Variants in EXOC3L2 observed in about 807,000 individuals in gnomAD.
EXOC3L2 encodes the protein exocyst complex component 3 like 2.
A neutral mutation model predicts 44.4 loss-of-function variants in EXOC3L2; 17 were observed. The observed-to-expected ratio is 0.38, with a 90% CI of 0.26 to 0.57. EXOC3L2 has a LOEUF of 0.57. Among genes scored for constraint, EXOC3L2 ranks in the 20% least tolerant of loss-of-function variants. The pLI is 0.65. For missense variants in EXOC3L2, 541 were observed against 588.4 expected (o/e 0.92, Z 0.83); for synonymous variants, 256 against 253.7 (o/e 1.01, Z -0.09).
At chr19:45,240,788 C>T (rs909868134) in intron 1 of EXOC3L2, among the ~76,000 whole-genome samples, 3 of 152,096 alleles carry the variant, frequency 2.0e-5, no homozygotes, top group African/African-American at 7.2e-5. Flanking sequence ...CCTGTAATCC[C>T]AGCTACTCGG....
chr19:45,212,950 AGG>A lies in EXOC3L2; in HGVS notation c.*117_*118del. Reference sequence around the variant, plus strand: ...TTGGGGTTGGGTGAAAAGACATCTAAGGGTCTTTCTATCCCAGGGGTGTGTGG... The same window carrying A: ...TTGGGGTTGGGTGAAAAGACATCTAAGTCTTTCTATCCCAGGGGTGTGTGG... On this transcript the variant is annotated 3_prime_UTR_variant, in exon 12 of 12. Transcript: ENST00000413988. 2 of 1,184,028 alleles carry A rather than the reference AGG, an allele frequency of 1.7e-6. No homozygotes were observed. Among genetic ancestry groups the A allele is most frequent in the Non-Finnish European group, 2.2e-6 (2 of 893,744 alleles). The allele number at this position is 1,184,028 out of a possible 1,614,324, so 73.3% of individuals were successfully genotyped here.
rs1240772921 is a variant in EXOC3L2, at chr19:45,234,576, G to A, written c.774C>T (p.Gly258=). Residue 258 remains glycine (G), a synonymous_variant, in exon 3 of 12, where the codon GGC becomes GGT. Coordinates refer to ENST00000413988, the MANE Select transcript of EXOC3L2 (RefSeq NM_001382422.1). This position sits in a 1 kb window ranked among gnomAD's most constrained non-coding sequence, Gnocchi z 5.0. ...GCACCTGGCCCAGCTGCGCCACCGC[G>A]CCAGCCCCGGCGCACGCTCCCGGCC... ...GPGPGACAGA[G]AVAQLGQVLV... is the part of the protein sequence containing the mutation. The A allele has an allele frequency of 1.9e-5, 5 of 263,368 alleles. No individual in the cohort carries two copies. The allele number at this position is 263,368 out of a possible 1,614,324, so 16.3% of individuals were successfully genotyped here. A position where few individuals can be genotyped will look rare whatever the true frequency, so the allele number is the denominator to read the frequency against.
rs138440446 is a variant in EXOC3L2, at chr19:45,244,260, C to T, written c.-17+1081G>A. On this transcript the variant is annotated intron_variant, in intron 1 of 11. Coordinates refer to ENST00000413988, the MANE Select transcript of EXOC3L2 (RefSeq NM_001382422.1). ...ATCCTCTGAACTGGCATCCACATGC[C>T]TCATCCCAAAATGGCTCCATCATCC... Among the ~76,000 whole-genome samples, 564 of 152,166 alleles carry T rather than the reference C, an allele frequency of 3.7e-3. 2 individuals are homozygous for T. The highest frequency in any genetic ancestry group is 0.013 in the African/African-American group (541 of 41,522).
intron 3 of EXOC3L2, among the ~76,000 whole-genome samples, chr19:45,232,700 A>G (rs967603604): frequency 2.0e-4 from 30 of 152,170 alleles, no homozygotes; most frequent in African/African-American, 5.8e-4. Context: ...CTCAACAGTA[A>G]TAAGATTCTA....
Position 45,234,942 on chromosome 19 carries a change from GC to G in EXOC3L2, c.524-117del, listed in dbSNP as rs1280981202. The G allele has an allele frequency of 2.6e-6, 1 of 377,966 alleles. No individual in the cohort carries two copies. Among genetic ancestry groups the G allele is most frequent in the East Asian group, 3.8e-5 (1 of 26,482 alleles). 23.4% of individuals were successfully genotyped at this position (377,966 alleles called of 1,614,324 possible). Reference sequence around the variant, plus strand: ...GATGAGGGGAAAAGGGTTACAGGAGGCGGGAAAGTGTGGGGGCAGAGAAGAG... The same window carrying G: ...GATGAGGGGAAAAGGGTTACAGGAGGGGGAAAGTGTGGGGGCAGAGAAGAG... On this transcript the variant is annotated intron_variant, in intron 2 of 11. Transcript: ENST00000413988. The surrounding 1 kb of genome is among the most constrained non-coding windows in gnomAD (Gnocchi z 5.0).
At chr19:45,217,394 A>G (rs1422948528) in intron 10 of EXOC3L2, 134 bp downstream of exon 10, 3 of 1,146,054 alleles carry the variant, frequency 2.6e-6, no homozygotes, top group Non-Finnish European at 3.5e-6. Context: ...ACTGGTTGCT[A>G]TTGACCCGAA....
Position 45,234,972 on chromosome 19 carries a change from G to A in EXOC3L2, c.524-146C>T, listed in dbSNP as rs972882745. 3.2e-5 allele frequency: 12 copies of A among 378,652 alleles called. No homozygotes were observed. Among genetic ancestry groups the A allele is most frequent in the African/African-American group, 2.1e-4 (10 of 47,676 alleles). 23.5% of individuals were successfully genotyped at this position (378,652 alleles called of 1,614,324 possible). On this transcript the variant is annotated intron_variant, in intron 2 of 11. Transcript: ENST00000413988. The surrounding 1 kb of genome is among the most constrained non-coding windows in gnomAD (Gnocchi z 5.0). ...AAAGTGTGGGGGCAGAGAAGAGCCC[G>A]GAGAAGAGCAAGAAAGAAGGATGTT...
At chr19:45,243,081 A>G (rs1305452389) in intron 1 of EXOC3L2, among the ~76,000 whole-genome samples, 1 of 152,142 alleles carries the variant, frequency 6.6e-6, no homozygotes, top group Admixed American at 6.6e-5. Flanking sequence ...ATGGTATCAT[A>G]CTATTTGTAT....
intron 8 of EXOC3L2, among the ~76,000 whole-genome samples, chr19:45,220,616 G>A (rs958434044): frequency 6.6e-6 from 1 of 152,128 alleles, no homozygotes; most frequent in Admixed American, 6.6e-5. Flanking sequence ...GAAGCTGTGC[G>A]ACCCTGAAGC....
rs555315406 is a variant in EXOC3L2 at position 45,223,337 on chromosome 19, G to A, written c.1719+1441C>T. ...GAGTCGGGAGGGGGGTTTGGTCTAG[G>A]GGCTTCTGTTTTTTTGTTTTTTGAG... On this transcript the variant is annotated intron_variant, in intron 8 of 11. Coordinates refer to ENST00000413988, the MANE Select transcript of EXOC3L2 (RefSeq NM_001382422.1). Among the ~76,000 whole-genome samples the A allele has an allele frequency of 5.3e-5, 8 of 151,400 alleles. No individual in the cohort carries two copies. The South Asian group carries it at 1.7e-3, about 32-fold the overall frequency.
chr19:45,225,861 G>A (rs189430528), intron 7 of EXOC3L2, among the ~76,000 whole-genome samples: 1 of 152,106 alleles, frequency 6.6e-6, no homozygotes, highest in Non-Finnish European at 1.5e-5. Flanking sequence ...GGCCTCAAGA[G>A]ATCTGCCCAC....
chr19:45,244,458 C>T (rs1970153897), intron 1 of EXOC3L2, among the ~76,000 whole-genome samples: 1 of 152,152 alleles, frequency 6.6e-6, no homozygotes, highest in South Asian at 2.1e-4. Flanking sequence ...TTTCCCAAAA[C>T]TGTCTCCGAC....
In EXOC3L2 at chr19:45,224,866, G is replaced by T. The variant is rs749004945; in HGVS notation, c.1631C>A (p.Pro544Gln). The T allele has an allele frequency of 6.3e-7, 1 of 1,577,912 alleles. No individual in the cohort carries two copies. The highest frequency in any genetic ancestry group is 8.6e-7 in the Non-Finnish European group (1 of 1,160,518). The change falls in exon 8 of 12, where the codon CCG becomes CAG. Residue 544 changes from proline (P) to glutamine (Q), a missense_variant. Coordinates refer to ENST00000413988, the MANE Select transcript of EXOC3L2 (RefSeq NM_001382422.1). ...AGCACTAGCAGATGCTTCCCGGGCC[G>T]GCTCGCTTTCTGGGGGCCCCACCCG... ...LARVGPPESE[P>Q]AREASASALD...
intron 2 of EXOC3L2, among the ~76,000 whole-genome samples, chr19:45,236,915 G>A (rs756105177): frequency 6.6e-6 from 1 of 151,696 alleles, no homozygotes; most frequent in Non-Finnish European, 1.5e-5. Flanking sequence ...TGAGACAGGA[G>A]AATCGCTTGA....
At chr19:45,244,439 C>A (rs966808349) in intron 1 of EXOC3L2, among the ~76,000 whole-genome samples, 2 of 152,164 alleles carry the variant, frequency 1.3e-5, no homozygotes, top group Non-Finnish European at 2.9e-5. Context: ...CCAAACCTGG[C>A]TGCAACATTT....
intron 2 of EXOC3L2, among the ~76,000 whole-genome samples, chr19:45,237,860 T>G (rs965096930): frequency 1.3e-5 from 2 of 151,996 alleles, no homozygotes; most frequent in Non-Finnish European, 2.9e-5. Context: ...AAAGGAGAAA[T>G]TGGCCACACG....
intron 2 of EXOC3L2, among the ~76,000 whole-genome samples, chr19:45,236,665 G>A (rs1970087171): frequency 6.6e-6 from 1 of 151,622 alleles, no homozygotes; most frequent in Admixed American, 6.6e-5. Flanking sequence ...TTGAAACTGG[G>A]GGCTGAGGAA....
At chr19:45,245,317 TC>T in intron 1 of EXOC3L2, 23 bp downstream of exon 1, 1 of 151,852 alleles carries the variant, frequency 6.6e-6, no homozygotes, top group Non-Finnish European at 1.5e-5. Flanking sequence ...GGGGACCCCT[TC>T]CCCCTGTCCC....
intron 2 of EXOC3L2, among the ~76,000 whole-genome samples, chr19:45,237,007 A>AG (rs1480810257): frequency 6.7e-6 from 1 of 148,598 alleles, no homozygotes; most frequent in Non-Finnish European, 1.5e-5. Context: ...CCTGTCTCAA[A>AG]GGAAAAAAAA....
Sources: gnomAD v4.1 joint callset for allele counts (sites outside exome capture counted in the v4.1 genomes callset) on GRCh38, gnomAD v4.1.1 for gene constraint, Gnocchi (gnomAD v3.1) non-coding constraint, MANE v1.5 for transcripts, NCBI Gene and HGNC (gene_info 2026-07-23, HGNC 2026-07-21) for gene names.